ZC3H11A: variants seen among roughly 807,000 people sequenced by gnomAD.
ZC3H11A encodes zinc finger CCCH-type containing 11A.
In ZC3H11A, 22 loss-of-function variants were observed where a neutral mutation model predicts 90.8. The observed-to-expected ratio is 0.24, with a 90% CI of 0.17 to 0.35. The LOEUF (loss-of-function observed/expected upper bound fraction) is 0.35. Ranked by LOEUF, ZC3H11A falls within the 10% of genes least tolerant of loss-of-function variation. ZC3H11A has a pLI of 1.00. For synonymous variants in ZC3H11A, 294 were observed against 339.8 expected, an observed-to-expected ratio of 0.87 and a Z score of 1.48; for missense variants, 701 against 964.9, an observed-to-expected ratio of 0.73 and a Z score of 3.62.
At chr1:203,813,153 C>T (rs1418210118) in intron 2 of ZC3H11A, among the ~76,000 whole-genome samples, 1 of 152,078 alleles carries the variant, frequency 6.6e-6, no homozygotes, top group Admixed American at 6.6e-5. Context: ...AGAGCTTTCA[C>T]AGAGCAGACC....
intron 3 of ZC3H11A, among the ~76,000 whole-genome samples, chr1:203,817,417 C>T (rs1268294565): frequency 6.7e-6 from 1 of 149,658 alleles, no homozygotes; most frequent in Non-Finnish European, 1.5e-5. Context: ...GAAATGGGGC[C>T]ACTTTGACCT....
intron 2 of ZC3H11A, among the ~76,000 whole-genome samples, chr1:203,810,081 TATTG>T (rs139197405): frequency 0.1 from 15,935 of 152,124 alleles, 1,094 homozygotes; most frequent in Non-Finnish European, 0.15. Flanking sequence ...CATGGGATAG[TATTG>T]ATTATAAAGT....
At chr1:203,809,578 A>G (rs182821648) in intron 2 of ZC3H11A, among the ~76,000 whole-genome samples, 1 of 152,228 alleles carries the variant, frequency 6.6e-6, no homozygotes, top group Non-Finnish European at 1.5e-5. Context: ...TTTTTCCTAC[A>G]TTAACTTCTA....
intron 5 of ZC3H11A, 76 bp from the exon 6 acceptor site, chr1:203,829,375 A>C: frequency 6.9e-7 from 1 of 1,448,918 alleles, no homozygotes; most frequent in Non-Finnish European, 9.7e-7. Context: ...TATAGTTTTC[A>C]TAGGTGGTCA....
chr1:203,815,616 G>A (rs1468934234), intron 2 of ZC3H11A, among the ~76,000 whole-genome samples: 2 of 151,948 alleles, frequency 1.3e-5, no homozygotes, highest in Non-Finnish European at 1.5e-5. Context: ...TGGAATTGTC[G>A]AAGGGTATGT....
intron 9 of ZC3H11A, among the ~76,000 whole-genome samples, chr1:203,832,718 A>G (rs1467347547): frequency 6.6e-6 from 1 of 152,176 alleles, no homozygotes; most frequent in Non-Finnish European, 1.5e-5. Context: ...ATAGATATAG[A>G]TATATTTAAA....
In ZC3H11A at chr1:203,831,763, C is replaced by G; in HGVS notation, c.803C>G (p.Thr268Ser). ...GTGGTGAGGACAGTAACTCTCTCCA[C>G]CAAACAAGGTAAGGTATAGATAGGT... ...RTVVRTVTLS[T>S]KQGEEPLVRL... The change falls in exon 9 of 18, where the codon ACC becomes AGC. Residue 268 changes from threonine to serine, a missense_variant. By Grantham distance (58) the Thr-to-Ser change is moderately conservative. This residue lies in a region of ZC3H11A where 530 missense variants were observed against 696.2 expected (regional missense o/e 0.76). Coordinates refer to ENST00000367210, the MANE Select transcript of ZC3H11A (RefSeq NM_001376342.1). 2 of 1,611,360 alleles carry G rather than the reference C, an allele frequency of 1.2e-6. No individual in the cohort carries two copies. Among genetic ancestry groups the G allele is most frequent in the Non-Finnish European group, 8.5e-7 (1 of 1,178,632 alleles).
rs1670565223 is a variant in ZC3H11A at position 203,801,557 on chromosome 1, T to A, written c.-1587-18T>A. ...ATAACTAATGTGAGATCCCAATTTT[T>A]CCTTTTTTTCATTTTAGATTTGGGG... On this transcript the variant is annotated intron_variant, in intron 1 of 17. Coordinates refer to ENST00000367210, the MANE Select transcript of ZC3H11A (RefSeq NM_001376342.1). 1 of 152,618 alleles carries A rather than the reference T, an allele frequency of 6.6e-6. No individual in the cohort carries two copies. The highest frequency in any genetic ancestry group is 2.4e-5 in the African/African-American group (1 of 41,444). 9.5% of individuals were successfully genotyped at this position (152,618 alleles called of 1,614,324 possible).
chr1:203,828,456 A>C (rs1215547129), intron 5 of ZC3H11A, 34 bp downstream of exon 5: 3 of 1,573,866 alleles, frequency 1.9e-6, no homozygotes, highest in South Asian at 1.2e-5. Flanking sequence ...AAGAATATCA[A>C]ATGAACACCT....
intron 1 of ZC3H11A, chr1:203,797,538 C>T (rs1558085498): frequency 6.6e-7 from 1 of 1,520,986 alleles, no homozygotes; most frequent in Non-Finnish European, 8.8e-7. Flanking sequence ...TGTATGTACT[C>T]TAAGTGTACC....
chr1:203,797,947 A>AC (rs1417280291), intron 1 of ZC3H11A: 2 of 1,535,762 alleles, frequency 1.3e-6, no homozygotes, highest in Non-Finnish European at 1.7e-6. Flanking sequence ...TTTCATGTTG[A>AC]CCCCCAGTAC....
At chr1:203,850,749 C>A in intron 16 of ZC3H11A, 68 bp downstream of exon 16, 3 of 1,551,646 alleles carry the variant, frequency 1.9e-6, no homozygotes, top group Non-Finnish European at 2.6e-6. Flanking sequence ...ACTAACTCTC[C>A]ACTAGCATTC....
At chr1:203,825,526 C>T (rs1004997009) in intron 4 of ZC3H11A, among the ~76,000 whole-genome samples, 2 of 150,204 alleles carry the variant, frequency 1.3e-5, no homozygotes, top group Admixed American at 6.7e-5. Flanking sequence ...CTTCCACCTC[C>T]CGGGTTCAAG....
chr1:203,819,844 AT>A (rs991581429), intron 4 of ZC3H11A, among the ~76,000 whole-genome samples: 4 of 151,514 alleles, frequency 2.6e-5, no homozygotes, highest in Admixed American at 2.6e-4. Context: ...GACTCCAGCA[AT>A]TTTTTTAAAA....
At chr1:203,833,734 T>C in intron 9 of ZC3H11A, 57 bp from the exon 10 acceptor site, 1 of 1,497,614 alleles carries the variant, frequency 6.7e-7, no homozygotes, top group South Asian at 1.2e-5. Context: ...CCATTAGTAG[T>C]TACTGAATAC....
At chr1:203,829,068 ACT>A (rs1415767190) in intron 5 of ZC3H11A, among the ~76,000 whole-genome samples, 3 of 152,226 alleles carry the variant, frequency 2.0e-5, no homozygotes, top group Non-Finnish European at 4.4e-5. Context: ...AAAAAAGTAG[ACT>A]TATTCCTTTC....
At chr1:203,819,109 C>CAT (rs1677412423) in intron 4 of ZC3H11A, among the ~76,000 whole-genome samples, 1 of 149,898 alleles carries the variant, frequency 6.7e-6, no homozygotes, top group South Asian at 2.1e-4. Context: ...CACACACACA[C>CAT]ACACACACAC....
At chr1:203,798,943 A>C in intron 1 of ZC3H11A, 1 of 1,536,150 alleles carries the variant, frequency 6.5e-7, no homozygotes. Flanking sequence ...ACTTTAGAGA[A>C]TGTTCAAAGC....
chr1:203,818,737 T>C lies in ZC3H11A; in HGVS notation c.174+48T>C, dbSNP rs1677199428. On this transcript the variant is annotated intron_variant, in intron 4 of 17. Coordinates refer to ENST00000367210, the MANE Select transcript of ZC3H11A (RefSeq NM_001376342.1). ...CATAATAAGTAGTCTGGAGACCTGG[T>C]GGGCCAATAAAAAATATAGGGACAA... is the stretch of plus-strand genomic sequence containing the variant. The C allele has an allele frequency of 3.1e-6, 5 of 1,611,608 alleles. No individual in the cohort carries two copies. The South Asian group carries it at 4.4e-5, about 14-fold the overall frequency.
Sources: gnomAD v4.1 joint callset for allele counts (sites outside exome capture counted in the v4.1 genomes callset) on GRCh38, gnomAD v4.1.1 for gene constraint, gnomAD v4.1.1 regional missense constraint, MANE v1.5 for transcripts, NCBI Gene and HGNC (gene_info 2026-07-23, HGNC 2026-07-21) for gene names.